The following CLEC16A variants were observed in gnomAD, a reference collection of about 807,000 sequenced individuals.
The protein encoded by CLEC16A is protein CLEC16A.
CLEC16A carries 51 observed loss-of-function variants against 109.5 expected under a neutral mutation model. The observed-to-expected ratio is 0.47, with a 90% CI of 0.37 to 0.59. The LOEUF (loss-of-function observed/expected upper bound fraction) is 0.59. Among genes scored for constraint, CLEC16A ranks in the 20% least tolerant of loss-of-function variants. CLEC16A has a pLI of 0.00. For missense variants in CLEC16A, 1,339 were observed against 1,394.0 expected (o/e 0.96, Z 0.63); for synonymous variants, 673 against 564.2 (o/e 1.19, Z -2.73).
At chr16:11,162,854 C>A (rs1347650309) in intron 22 of CLEC16A, among the ~76,000 whole-genome samples, 1 of 152,188 alleles carries the variant, frequency 6.6e-6, no homozygotes, top group Non-Finnish European at 1.5e-5. Flanking sequence ...GTGCATCCAC[C>A]CACAGTGTCG....
intron 22 of CLEC16A, 146 bp downstream of exon 22, chr16:11,126,292 G>A (rs908371607): frequency 4.8e-5 from 74 of 1,545,856 alleles, no homozygotes; most frequent in Non-Finnish European, 6.3e-5. Flanking sequence ...ATTTGTCAAA[G>A]CACAGCGCAA....
intron 11 of CLEC16A, among the ~76,000 whole-genome samples, chr16:11,011,366 C>T (rs1450920702): frequency 6.6e-6 from 1 of 152,190 alleles, no homozygotes; most frequent in Non-Finnish European, 1.5e-5. Flanking sequence ...GGTGTGGACT[C>T]ATGGATTCCA....
At chr16:11,171,120 G>A (rs2068493117) in intron 23 of CLEC16A, among the ~76,000 whole-genome samples, 1 of 152,228 alleles carries the variant, frequency 6.6e-6, no homozygotes, top group Admixed American at 6.5e-5. Context: ...CAGGGGGGAG[G>A]ACACTTTTGA....
At chr16:11,169,433 C>T (rs1040999966) in intron 23 of CLEC16A, among the ~76,000 whole-genome samples, 11 of 152,212 alleles carry the variant, frequency 7.2e-5, no homozygotes, top group East Asian at 1.9e-4. Context: ...ATTACAGGTG[C>T]GCACCACCAT....
chr16:11,157,911 G>C (rs1331313022), intron 22 of CLEC16A, among the ~76,000 whole-genome samples: 1 of 152,162 alleles, frequency 6.6e-6, no homozygotes, highest in Non-Finnish European at 1.5e-5. Flanking sequence ...CCAGGGTGTA[G>C]GATCCAGAGC....
intron 22 of CLEC16A, among the ~76,000 whole-genome samples, chr16:11,134,713 C>G (rs772709456): frequency 6.6e-5 from 10 of 152,176 alleles, no homozygotes; most frequent in Non-Finnish European, 1.5e-4. Flanking sequence ...TGTCGACACT[C>G]AAAAAGTTTT....
At chr16:10,969,974 A>G (rs2042702183) in intron 4 of CLEC16A, among the ~76,000 whole-genome samples, 1 of 152,244 alleles carries the variant, frequency 6.6e-6, no homozygotes, top group African/African-American at 2.4e-5. Flanking sequence ...TATTGTTGAT[A>G]AGATAATGTC....
intron 19 of CLEC16A, among the ~76,000 whole-genome samples, chr16:11,113,380 G>A (rs1466231808): frequency 3.3e-5 from 5 of 152,178 alleles, no homozygotes; most frequent in Non-Finnish European, 7.3e-5. Context: ...TCAGAGCAGT[G>A]TGTAGAAACT....
intron 22 of CLEC16A, among the ~76,000 whole-genome samples, chr16:11,163,663 G>A (rs1477642773): frequency 6.6e-6 from 1 of 152,178 alleles, no homozygotes; most frequent in Non-Finnish European, 1.5e-5. Context: ...CCAGGTTTAT[G>A]ATGCTGTAAT....
At chr16:11,175,960 C>G (rs1489218240) in intron 23 of CLEC16A, among the ~76,000 whole-genome samples, 1 of 152,260 alleles carries the variant, frequency 6.6e-6, no homozygotes, top group Non-Finnish European at 1.5e-5. Context: ...CGCTTGGCTA[C>G]TTTGTCTCCA....
chr16:11,166,684 C>A, intron 23 of CLEC16A, 132 bp downstream of exon 23: 3 of 910,170 alleles, frequency 3.3e-6, no homozygotes, highest in Non-Finnish European at 4.7e-6. Flanking sequence ...AGGTGATCTG[C>A]ACATGAAGCC....
intron 11 of CLEC16A, 128 bp from the exon 12 acceptor site, chr16:11,020,065 T>C: frequency 9.1e-7 from 1 of 1,101,166 alleles, no homozygotes; most frequent in Non-Finnish European, 1.2e-6. Context: ...TTCAGGTCGC[T>C]GCTGTCGGAC....
intron 8 of CLEC16A, 34 bp from the exon 9 acceptor site, chr16:10,979,295 A>ATCTC (rs150355469): frequency 1.3e-6 from 2 of 1,542,014 alleles, no homozygotes; most frequent in South Asian, 1.2e-5. Flanking sequence ...GTGTGACCTG[A>ATCTC]TCTCTCTCTC....
At chr16:10,946,175 A>G (rs1490956958) in intron 1 of CLEC16A, among the ~76,000 whole-genome samples, 3 of 152,098 alleles carry the variant, frequency 2.0e-5, no homozygotes, top group African/African-American at 7.2e-5. Context: ...CCAGAAGGAG[A>G]TCCTGAGACT....
intron 13 of CLEC16A, among the ~76,000 whole-genome samples, chr16:11,039,351 A>G (rs1030996311): frequency 6.6e-6 from 1 of 152,258 alleles, no homozygotes; most frequent in African/African-American, 2.4e-5. Context: ...CAATTATTGC[A>G]TCAATCCTGA....
At chr16:11,088,099 CT>C (rs940221608) in intron 19 of CLEC16A, among the ~76,000 whole-genome samples, 1 of 152,250 alleles carries the variant, frequency 6.6e-6, no homozygotes, top group Non-Finnish European at 1.5e-5. Flanking sequence ...CGAAAGGGGC[CT>C]CTGTGCTGAC....
chr16:11,136,985 C>A (rs182559612), intron 22 of CLEC16A, among the ~76,000 whole-genome samples: 83 of 152,358 alleles, frequency 5.4e-4, no homozygotes, highest in African/African-American at 1.8e-3. Flanking sequence ...GCCCTCCGTT[C>A]TGAAGCATAT....
At chr16:10,953,282 G>T (rs1366096581) in intron 1 of CLEC16A, among the ~76,000 whole-genome samples, 1 of 152,006 alleles carries the variant, frequency 6.6e-6, no homozygotes, top group East Asian at 1.9e-4. Flanking sequence ...GAGAAGTGAG[G>T]GCCTTTTCTG....
chr16:11,159,115 T>TG (rs1257452231), intron 22 of CLEC16A, among the ~76,000 whole-genome samples: 1 of 152,206 alleles, frequency 6.6e-6, no homozygotes, highest in African/African-American at 2.4e-5. Context: ...CTTGACAAAC[T>TG]GGAGACTGCG....
Sources: gnomAD v4.1 joint callset for allele counts (sites outside exome capture counted in the v4.1 genomes callset) on GRCh38, gnomAD v4.1.1 for gene constraint, MANE v1.5 for transcripts, NCBI Gene and HGNC (gene_info 2026-07-23, HGNC 2026-07-21) for gene names.